TEX9: variants seen among roughly 807,000 people sequenced by gnomAD.
The protein encoded by TEX9 is testis expressed 9, also known as testis-expressed protein 9.
In TEX9, 74 loss-of-function variants were observed where a neutral mutation model predicts 59.6. That is an observed-to-expected ratio of 1.24 (90% confidence interval 1.03 to 1.51). The LOEUF (loss-of-function observed/expected upper bound fraction) is 1.51, where lower values mean the gene tolerates loss of function less well. Among genes scored for constraint, TEX9 ranks in the 40% most tolerant of loss-of-function variants. The pLI, the probability that TEX9 is intolerant of heterozygous loss-of-function variation, is 0.00. For missense variants in TEX9, 522 were observed against 447.8 expected (o/e 1.17, Z -1.49); for synonymous variants, 186 against 152.2 (o/e 1.22, Z -1.64).
At chr15:56,364,955 A>C (rs375549666), upstream of TEX9, among the ~76,000 whole-genome samples, 12 of 152,324 alleles carry the variant, frequency 7.9e-5, no homozygotes, top group South Asian at 2.3e-3. Flanking sequence ...ATAACTGGTA[A>C]GTGGCAGTGC....
At chr15:56,315,518 C>G (rs1254361578) in intron 1 of TEX9, among the ~76,000 whole-genome samples, 2 of 150,582 alleles carry the variant, frequency 1.3e-5, no homozygotes, top group Non-Finnish European at 3.0e-5. Context: ...GCCGAGAGAT[C>G]CGCTGTTAGT....
intron 2 of TEX9, 93 bp downstream of exon 2, chr15:56,365,763 G>T: frequency 6.5e-7 from 1 of 1,545,330 alleles, no homozygotes; most frequent in African/African-American, 1.4e-5. Flanking sequence ...CTGGATCTTC[G>T]GGACCACTCA....
intron 1 of TEX9, among the ~76,000 whole-genome samples, chr15:56,354,453 G>A (rs1596111649): frequency 6.6e-6 from 1 of 152,088 alleles, no homozygotes; most frequent in South Asian, 2.1e-4. Flanking sequence ...AAAAAGGTGG[G>A]GGAAAGACAT....
At chr15:56,405,140 A>C (rs1376850713) in intron 9 of TEX9, among the ~76,000 whole-genome samples, 1 of 152,018 alleles carries the variant, frequency 6.6e-6, no homozygotes, top group Non-Finnish European at 1.5e-5. Flanking sequence ...TTAATAAAAA[A>C]AATTAAAATA....
intron 9 of TEX9, chr15:56,395,460 GTA>G (rs1262097242): frequency 1.3e-5 from 2 of 152,114 alleles, no homozygotes; most frequent in African/African-American, 2.4e-5. Flanking sequence ...TTGTGTGCAC[GTA>G]TGTTTCTATT....
intron 1 of TEX9, among the ~76,000 whole-genome samples, chr15:56,249,289 C>T (rs1244258240): frequency 2.0e-5 from 3 of 152,118 alleles, no homozygotes; most frequent in Admixed American, 2.0e-4. Flanking sequence ...CAGGGGGCAC[C>T]ATTCACATTT....
At chr15:56,247,539 G>A (rs1330590149) in intron 1 of TEX9, among the ~76,000 whole-genome samples, 1 of 152,178 alleles carries the variant, frequency 6.6e-6, no homozygotes, top group Non-Finnish European at 1.5e-5. Flanking sequence ...AGCCATGAAA[G>A]GGTACTGTTT....
the TEX9 span, among the ~76,000 whole-genome samples, chr15:56,460,009 A>AAAAAAAAAAAAAAAAAAATATATATATAT: frequency 7.6e-5 from 2 of 26,388 alleles, 1 homozygote; most frequent in Non-Finnish European, 1.4e-4. Context: ...AAAAAAAAAA[A>AAAAAAAAAAAAAAAAAAATATATATATAT]ATACATATAT....
intron 1 of TEX9, among the ~76,000 whole-genome samples, chr15:56,246,873 A>G (rs2043870263): frequency 6.6e-6 from 1 of 152,080 alleles, no homozygotes; most frequent in Admixed American, 6.6e-5. Flanking sequence ...TTCGATCTCT[A>G]TAAAAATGAA....
chr15:56,303,305 G>C (rs2045404113), intron 1 of TEX9, among the ~76,000 whole-genome samples: 1 of 152,070 alleles, frequency 6.6e-6, no homozygotes, highest in South Asian at 2.1e-4. Context: ...CCATATGTTA[G>C]GCCACAAAAC....
chr15:56,430,863 A>T (rs1277188783), intron 12 of TEX9, among the ~76,000 whole-genome samples: 1 of 152,168 alleles, frequency 6.6e-6, no homozygotes, highest in Non-Finnish European at 1.5e-5. Context: ...AAAAGGGGAG[A>T]AAAGAAACTC....
At chr15:56,406,031 A>T (rs1206741963) in intron 9 of TEX9, among the ~76,000 whole-genome samples, 1 of 152,152 alleles carries the variant, frequency 6.6e-6, no homozygotes, top group South Asian at 2.1e-4. Context: ...ATATTCCCTC[A>T]TAACTACTAC....
intron 10 of TEX9, among the ~76,000 whole-genome samples, chr15:56,415,398 G>T (rs1378086557): frequency 6.6e-6 from 1 of 151,850 alleles, no homozygotes; most frequent in Admixed American, 6.6e-5. Flanking sequence ...AGTTCATCTT[G>T]AGTTGGTCTT....
At chr15:56,445,304 T>C (rs1165913112) in intron 12 of TEX9, among the ~76,000 whole-genome samples, 2 of 152,046 alleles carry the variant, frequency 1.3e-5, no homozygotes, top group Non-Finnish European at 2.9e-5. Context: ...TCTTTCTTCT[T>C]GGATGGGTTA....
intron 1 of TEX9, 36 bp downstream of exon 1, chr15:56,365,513 G>A (rs2046898211): frequency 6.2e-7 from 1 of 1,614,190 alleles, no homozygotes; most frequent in Non-Finnish European, 8.5e-7. Flanking sequence ...GAGCGTCTGG[G>A]TTCCGGCGAC....
chr15:56,255,932 A>G (rs1320743331), intron 1 of TEX9, among the ~76,000 whole-genome samples: 1 of 152,068 alleles, frequency 6.6e-6, no homozygotes, highest in Non-Finnish European at 1.5e-5. Context: ...ACACACATGA[A>G]ACATTAACTA....
intron 9 of TEX9, among the ~76,000 whole-genome samples, chr15:56,409,347 C>G (rs2049235473): frequency 6.6e-6 from 1 of 152,178 alleles, no homozygotes. Flanking sequence ...CTGCCCACTT[C>G]TCTTATCAAA....
intron 1 of TEX9, among the ~76,000 whole-genome samples, chr15:56,351,646 A>G (rs1345179089): frequency 2.0e-5 from 3 of 152,212 alleles, no homozygotes; most frequent in African/African-American, 7.2e-5. Flanking sequence ...GCCTAGCTAC[A>G]GGTCATTACC....
At chr15:56,261,093 A>G (rs1173667532) in intron 1 of TEX9, among the ~76,000 whole-genome samples, 3 of 151,780 alleles carry the variant, frequency 2.0e-5, no homozygotes, top group African/African-American at 7.3e-5. Flanking sequence ...TTTGATTCTG[A>G]TATTAGTAAT....
Sources: gnomAD v4.1 joint callset for allele counts (sites outside exome capture counted in the v4.1 genomes callset) on GRCh38, gnomAD v4.1.1 for gene constraint, MANE v1.5 for transcripts, NCBI Gene and HGNC (gene_info 2026-07-23, HGNC 2026-07-21) for gene names.